Variants in HK1 observed in about 807,000 individuals in gnomAD.
HK1 encodes hexokinase-1.
HK1 carries 28 observed loss-of-function variants against 91.6 expected under a neutral mutation model. The ratio of observed to expected loss-of-function variants is 0.31; its 90% CI spans 0.23 to 0.42. HK1 has a LOEUF of 0.42. Ranked by LOEUF, HK1 falls within the 10% of genes least tolerant of loss-of-function variation. The pLI, the probability that HK1 is intolerant of heterozygous loss-of-function variation, is 1.00. For missense variants in HK1, 770 were observed against 1,219.8 expected (o/e 0.63, Z 5.49); for synonymous variants, 430 against 468.1 (o/e 0.92, Z 1.05).
chr10:69,351,773 T>C (rs146100355), intron 2 of HK1, among the ~76,000 whole-genome samples: 1 of 152,322 alleles, frequency 6.6e-6, no homozygotes, highest in Non-Finnish European at 1.5e-5. Flanking sequence ...AACCCCTCTT[T>C]ACCTTTACTT....
intron 1 of HK1, among the ~76,000 whole-genome samples, chr10:69,324,485 G>T (rs191662289): frequency 6.6e-6 from 1 of 152,100 alleles, no homozygotes; most frequent in South Asian, 2.1e-4. Flanking sequence ...CCAGCTTCTC[G>T]GGAGGCTGAG....
Position 69,383,034 on chromosome 10 carries a change from C to T in HK1, c.1570+243C>T, listed in dbSNP as rs57767669. Among the ~76,000 whole-genome samples the T allele has an allele frequency of 1.2e-4, 18 of 152,284 alleles. No homozygotes were observed. In the East Asian group the frequency reaches 3.5e-3, roughly 29 times the overall value. On this transcript the variant is annotated intron_variant, in intron 10 of 17. Transcript: ENST00000359426. ...GCAAGTGCTATCTCTAAAACCACAG[C>T]CCTGCTCAGAACAGTGCTCTTAGCT...
intron 1 of HK1, among the ~76,000 whole-genome samples, chr10:69,281,220 G>A (rs79735567): frequency 0.035 from 5,312 of 152,252 alleles, 296 homozygotes; most frequent in African/African-American, 0.12. Context: ...CCACCCCAAT[G>A]TTTTCCATTC....
chr10:69,312,025 C>T (rs1019413443), upstream of HK1, among the ~76,000 whole-genome samples: 1 of 152,140 alleles, frequency 6.6e-6, no homozygotes, highest in East Asian at 1.9e-4. Context: ...GGGTGGGACT[C>T]GGATTTCCTT....
chr10:69,322,128 G>T (rs1462050335), intron 1 of HK1, among the ~76,000 whole-genome samples: 1 of 152,172 alleles, frequency 6.6e-6, no homozygotes. Flanking sequence ...GTTTAGAAAG[G>T]GAAGATGGGT....
intron 2 of HK1, among the ~76,000 whole-genome samples, chr10:69,350,177 C>G (rs772242825): frequency 3.4e-4 from 52 of 152,322 alleles, no homozygotes; most frequent in Admixed American, 7.2e-4. Flanking sequence ...CATCCTGAAC[C>G]AATCACGATG....
intron 2 of HK1, 77 bp from the exon 3 acceptor site, chr10:69,359,820 T>G: frequency 7.0e-7 from 1 of 1,434,882 alleles, no homozygotes; most frequent in Non-Finnish European, 9.8e-7. Flanking sequence ...GCCTACGCCC[T>G]GCCAGGAAGC....
chr10:69,387,283 T>C (rs181671503), intron 13 of HK1, among the ~76,000 whole-genome samples: 1 of 152,288 alleles, frequency 6.6e-6, no homozygotes, highest in Admixed American at 6.5e-5. Flanking sequence ...AAAAAATTTT[T>C]AGAATTTTAA....
chr10:69,352,599 G>A (rs781352093), intron 2 of HK1, among the ~76,000 whole-genome samples: 5 of 152,118 alleles, frequency 3.3e-5, no homozygotes, highest in African/African-American at 4.8e-5. Context: ...ACCTTATGCC[G>A]GGTGAAAGAA....
At chr10:69,323,170 G>A (rs923674133) in intron 1 of HK1, among the ~76,000 whole-genome samples, 3 of 151,288 alleles carry the variant, frequency 2.0e-5, no homozygotes, top group South Asian at 2.1e-4. Context: ...TGCTTGAACC[G>A]GGGAGGCGGA....
chr10:69,295,720 T>C (rs1485472063), intron 4 of HK1: 5 of 1,335,686 alleles, frequency 3.7e-6, no homozygotes, highest in Non-Finnish European at 5.4e-6. Context: ...TTCTGTAACA[T>C]TTTCTGTAAA....
chr10:69,274,540 G>T (rs1844340063), intron 1 of HK1, among the ~76,000 whole-genome samples: 1 of 151,420 alleles, frequency 6.6e-6, no homozygotes, highest in East Asian at 1.9e-4. Flanking sequence ...AGAGGTTGCT[G>T]CGAGCCGAGA....
chr10:69,290,091 C>T (rs138492444), intron 3 of HK1, among the ~76,000 whole-genome samples: 19 of 152,120 alleles, frequency 1.2e-4, no homozygotes, highest in African/African-American at 3.9e-4. Context: ...TTCCACCCCG[C>T]CCCCCACCAA....
chr10:69,375,700 C>T (rs183782730), intron 7 of HK1, among the ~76,000 whole-genome samples: 243 of 152,300 alleles, frequency 1.6e-3, no homozygotes, highest in African/African-American at 5.2e-3. Flanking sequence ...CGCAGAGGAG[C>T]GGCGGGCTGC....
At chr10:69,331,851 C>G (rs565392180) in intron 1 of HK1, among the ~76,000 whole-genome samples, 3 of 151,560 alleles carry the variant, frequency 2.0e-5, no homozygotes, top group Non-Finnish European at 4.4e-5. Flanking sequence ...GCACTCCAGC[C>G]TAGGTGATGG....
rs1333774492 is a variant in HK1 at position 69,364,999 on chromosome 10, A to C, written c.495+97A>C. The C allele has an allele frequency of 3.0e-6, 4 of 1,314,118 alleles. No individual in the cohort carries two copies. The East Asian group carries it at 6.9e-5, about 23-fold the overall frequency. 81.4% of individuals were successfully genotyped at this position (1,314,118 alleles called of 1,614,324 possible). A position where few individuals can be genotyped will look rare whatever the true frequency, so the allele number is the denominator to read the frequency against. ...ACAACTTTTCCCCTTTGTTGGCAGA[A>C]TGGTTTGCATGTCTGGTATTTTTAA... On this transcript the variant is annotated intron_variant, in intron 4 of 17. Transcript: ENST00000359426.
rs1464014283 is a variant in HK1, at chr10:69,362,805, A to G, written c.376-1978A>G. ...CCAGGACCAACTTAGTAATGAGTTT[A>G]TATCAGTCTGCAATGTAGGTCGCAG... On this transcript the variant is annotated intron_variant, in intron 3 of 17. Transcript: ENST00000359426. 2.6e-5 allele frequency among the ~76,000 whole-genome samples: 4 copies of G among 152,202 alleles called. No individual in the cohort carries two copies. In the South Asian group the frequency reaches 6.2e-4, roughly 24 times the overall value.
At chr10:69,319,181 A>G (rs75634211) in intron 1 of HK1, 171 bp downstream of exon 1, 18,297 of 808,166 alleles carry the variant, frequency 0.023, 316 homozygotes, top group Non-Finnish European at 0.029. Context: ...CGGCATTGTC[A>G]GTGTCTCTGT....
intron 2 of HK1, among the ~76,000 whole-genome samples, chr10:69,356,606 C>T (rs952915223): frequency 7.2e-5 from 11 of 152,026 alleles, no homozygotes; most frequent in Non-Finnish European, 1.3e-4. Flanking sequence ...CAAATGAGGC[C>T]GGGTGCGGTG....
Sources: gnomAD v4.1 joint callset for allele counts (sites outside exome capture counted in the v4.1 genomes callset) on GRCh38, gnomAD v4.1.1 for gene constraint, MANE v1.5 for transcripts, NCBI Gene and HGNC (gene_info 2026-07-23, HGNC 2026-07-21) for gene names.